Variants in DNER observed in about 807,000 individuals in gnomAD.
DNER encodes delta and Notch-like epidermal growth factor-related receptor.
A neutral mutation model predicts 78.2 loss-of-function variants in DNER; 33 were observed. That is an observed-to-expected ratio of 0.42 (90% confidence interval 0.32 to 0.56). The LOEUF is 0.56. Ranked by LOEUF, DNER falls within the 20% of genes least tolerant of loss-of-function variation. The pLI, the probability that DNER is intolerant of heterozygous loss-of-function variation, is 0.11. For missense variants in DNER, 918 were observed against 975.3 expected (o/e 0.94, Z 0.78); for synonymous variants, 417 against 384.8 (o/e 1.08, Z -0.98).
intron 1 of DNER, among the ~76,000 whole-genome samples, chr2:229,685,655 G>A (rs939443384): frequency 1.3e-5 from 2 of 152,152 alleles, no homozygotes; most frequent in African/African-American, 4.8e-5. Flanking sequence ...CCATTTCAGT[G>A]GTTGCAAATG....
At chr2:229,437,668 T>C (rs1694150588) in intron 8 of DNER, among the ~76,000 whole-genome samples, 7 of 152,216 alleles carry the variant, frequency 4.6e-5, no homozygotes, top group Admixed American at 4.6e-4. Flanking sequence ...GCAAATCATT[T>C]CCACTAAGCC....
chr2:229,442,993 T>TTGGTGAAGA (rs1245131970), intron 8 of DNER, among the ~76,000 whole-genome samples: 1 of 152,186 alleles, frequency 6.6e-6, no homozygotes, highest in African/African-American at 2.4e-5. Context: ...TACCAGCCCT[T>TTGGTGAAGA]TGGTGAAGAA....
intron 5 of DNER, among the ~76,000 whole-genome samples, chr2:229,532,365 C>T (rs895918023): frequency 7.2e-5 from 11 of 152,086 alleles, no homozygotes; most frequent in Middle Eastern, 3.2e-3. Context: ...TTCCTTCCCT[C>T]GGCCTATTTC....
intron 1 of DNER, among the ~76,000 whole-genome samples, chr2:229,670,271 C>A (rs1013370813): frequency 4.6e-5 from 7 of 152,212 alleles, no homozygotes; most frequent in African/African-American, 1.7e-4. Context: ...ATCAGGGAGA[C>A]CCCCTCACTG....
At chr2:229,371,636 GCAGA>G (rs374266762) in intron 11 of DNER, among the ~76,000 whole-genome samples, 2 of 152,186 alleles carry the variant, frequency 1.3e-5, no homozygotes, top group African/African-American at 2.4e-5. Context: ...TCAAGGTGAG[GCAGA>G]CAGTCAGTGG....
In DNER at chr2:229,510,130, G is replaced by A. The variant is rs115436601; in HGVS notation, c.1147+2653C>T. Among the ~76,000 whole-genome samples the A allele has an allele frequency of 6.2e-3, 792 of 127,392 alleles. 7 individuals carry two copies. The highest frequency in any genetic ancestry group is 0.018 in the African/African-American group (738 of 40,300). 83.6% of individuals were successfully genotyped at this position (127,392 alleles called of 152,430 possible). On this transcript the variant is annotated intron_variant, in intron 6 of 12. Transcript: ENST00000341772. Reference sequence around the variant, plus strand: ...AGATGAGAGATCAAGCTATTACAGAGGCAAAAGGTAAAGGTGGCTGAAACC... The same window carrying A: ...AGATGAGAGATCAAGCTATTACAGAAGCAAAAGGTAAAGGTGGCTGAAACC...
At chr2:229,359,838 A>G (rs890181987) in intron 12 of DNER, among the ~76,000 whole-genome samples, 1 of 152,208 alleles carries the variant, frequency 6.6e-6, no homozygotes, top group Admixed American at 6.5e-5. Flanking sequence ...CTCAAATTTT[A>G]CTGGCCTTGA....
chr2:229,427,795 G>C (rs1297983438), intron 8 of DNER, among the ~76,000 whole-genome samples: 1 of 152,158 alleles, frequency 6.6e-6, no homozygotes, highest in Non-Finnish European at 1.5e-5. Flanking sequence ...AAGAACACTG[G>C]GCTGGGCATG....
At position 229,407,265 on chromosome 2, in the gene DNER, T is replaced by G; in HGVS notation, c.1690A>C (p.Asn564His). 5.0e-6 allele frequency: 8 copies of G among 1,613,690 alleles called. No individual in the cohort carries two copies. Among genetic ancestry groups the G allele is most frequent in the Non-Finnish European group, 6.8e-6 (8 of 1,179,602 alleles). The change falls in exon 10 of 13, where the codon AAT (asparagine) becomes CAT (histidine). Residue 564 changes from asparagine to histidine, a missense_variant. Physicochemically the swap from Asn to His is moderately conservative, Grantham distance 68 (BLOSUM62 1). Coordinates refer to ENST00000341772, the MANE Select transcript of DNER (RefSeq NM_139072.4). ...NGATCDSDGL[N>H]GTCICAPGFT... ...CCGGGTGCACAGATGCACGTGCCAT[T>G]CAGGCCGTCGCTGTCACAGGTGGCT...
chr2:229,659,456 T>G (rs10172673), intron 1 of DNER, among the ~76,000 whole-genome samples: 1 of 152,122 alleles, frequency 6.6e-6, no homozygotes, highest in African/African-American at 2.4e-5. Flanking sequence ...GATATAAATA[T>G]TTTTGGTCTC....
chr2:229,552,319 A>C (rs1283471589), intron 4 of DNER, among the ~76,000 whole-genome samples: 2 of 152,208 alleles, frequency 1.3e-5, no homozygotes, highest in African/African-American at 4.8e-5. Context: ...TTTCAGGCTG[A>C]GATGGTAAAT....
At chr2:229,610,156 C>A (rs1169867088) in intron 1 of DNER, among the ~76,000 whole-genome samples, 3 of 152,140 alleles carry the variant, frequency 2.0e-5, no homozygotes, top group Non-Finnish European at 2.9e-5. Context: ...TGGAATAAGC[C>A]ATGCCCAATA....
intron 1 of DNER, among the ~76,000 whole-genome samples, chr2:229,667,480 C>T (rs576294340): frequency 1.6e-4 from 21 of 128,212 alleles, no homozygotes; most frequent in Non-Finnish European, 3.5e-4. Context: ...AGCAAATAGA[C>T]ATCCTTAATG....
chr2:229,626,086 AT>A (rs1490217109), intron 1 of DNER, among the ~76,000 whole-genome samples: 1 of 151,918 alleles, frequency 6.6e-6, no homozygotes, highest in Non-Finnish European at 1.5e-5. Flanking sequence ...TGCCTGGCTA[AT>A]TTTTTGTATT....
chr2:229,582,444 A>G (rs1697417092), intron 4 of DNER, among the ~76,000 whole-genome samples: 1 of 152,110 alleles, frequency 6.6e-6, no homozygotes, highest in South Asian at 2.1e-4. Context: ...GAATAACACC[A>G]AAAGATCGTG....
At chr2:229,549,735 C>T (rs371216689) in intron 4 of DNER, among the ~76,000 whole-genome samples, 1 of 151,938 alleles carries the variant, frequency 6.6e-6, no homozygotes, top group South Asian at 2.1e-4. Context: ...TATGGTGAAA[C>T]CCCCATCTCT....
chr2:229,704,940 T>G (rs567999858), intron 1 of DNER, among the ~76,000 whole-genome samples: 6 of 152,268 alleles, frequency 3.9e-5, no homozygotes, highest in African/African-American at 1.4e-4. Context: ...TAAAGTAATA[T>G]ACCTCGGACA....
At chr2:229,615,625 T>C (rs1698142737) in intron 1 of DNER, among the ~76,000 whole-genome samples, 1 of 151,988 alleles carries the variant, frequency 6.6e-6, no homozygotes, top group Non-Finnish European at 1.5e-5. Flanking sequence ...GGCAGGAGAA[T>C]GGTGTGAACC....
intron 1 of DNER, among the ~76,000 whole-genome samples, chr2:229,643,298 T>C (rs1451167695): frequency 1.3e-5 from 2 of 152,198 alleles, no homozygotes; most frequent in South Asian, 4.1e-4. Context: ...GCAAGTTATA[T>C]CCTTTATGGG....
Sources: gnomAD v4.1 joint callset for allele counts (sites outside exome capture counted in the v4.1 genomes callset) on GRCh38, gnomAD v4.1.1 for gene constraint, MANE v1.5 for transcripts, NCBI Gene and HGNC (gene_info 2026-07-23, HGNC 2026-07-21) for gene names.